Variants in UTS2B observed in about 807,000 individuals in gnomAD.
UTS2B encodes urotensin 2B.
In UTS2B, 21 loss-of-function variants were observed where a neutral mutation model predicts 19.2. That is an observed-to-expected ratio of 1.09 (90% CI 0.78 to 1.58). UTS2B has a LOEUF of 1.58. Among genes scored for constraint, UTS2B ranks in the 40% most tolerant of loss-of-function variants. The probability of loss-of-function intolerance (pLI) is 0.00; values close to 1 mark genes in which losing one functional copy is unlikely to be tolerated. For synonymous variants in UTS2B, 57 were observed against 50.2 expected (o/e 1.14, Z -0.58); for missense variants, 138 against 130.3 (o/e 1.06, Z -0.29).
At chr3:191,320,345 C>T (rs1211769879) in intron 2 of UTS2B, among the ~76,000 whole-genome samples, 1 of 152,152 alleles carries the variant, frequency 6.6e-6, no homozygotes, top group Admixed American at 6.5e-5. Flanking sequence ...CTATGCGTGG[C>T]TTATTCAAAG....
chr3:191,292,906 C>T (rs941937185), intron 4 of UTS2B, among the ~76,000 whole-genome samples: 4 of 151,590 alleles, frequency 2.6e-5, no homozygotes, highest in South Asian at 2.1e-4. Context: ...TCTATTGAGA[C>T]GACTATAGAA....
At chr3:191,309,570 C>T (rs1215961995) in intron 3 of UTS2B, among the ~76,000 whole-genome samples, 1 of 152,172 alleles carries the variant, frequency 6.6e-6, no homozygotes, top group Non-Finnish European at 1.5e-5. Context: ...TCTGTCTCCC[C>T]ACCAAATCTC....
the UTS2B span, among the ~76,000 whole-genome samples, chr3:191,337,857 C>G: frequency 6.6e-6 from 1 of 151,894 alleles, no homozygotes; most frequent in Non-Finnish European, 1.5e-5. Context: ...ATTATTGGTC[C>G]TGTTTAAAAC....
At chr3:191,296,188 A>G (rs188260475) in intron 4 of UTS2B, among the ~76,000 whole-genome samples, 64 of 152,262 alleles carry the variant, frequency 4.2e-4, no homozygotes, top group African/African-American at 1.5e-3. Flanking sequence ...TTCTTCAAAA[A>G]TGTCAAGCAA....
chr3:191,315,224 G>C (rs974225032), intron 3 of UTS2B, among the ~76,000 whole-genome samples: 1 of 152,080 alleles, frequency 6.6e-6, no homozygotes, highest in Non-Finnish European at 1.5e-5. Context: ...TTTTGGCCAG[G>C]CTGGTCTCGA....
In UTS2B at chr3:191,282,197, A is replaced by C. The variant is rs1164966102; in HGVS notation, c.-8T>G. 6.2e-7 allele frequency: 1 copy of C among 1,603,214 alleles called. No individual in the cohort carries two copies. The highest frequency in any genetic ancestry group is 8.5e-7 in the Non-Finnish European group (1 of 1,173,758). On this transcript the variant is annotated 5_prime_UTR_variant, in exon 5 of 9. Coordinates refer to ENST00000340524, the MANE Select transcript of UTS2B (RefSeq NM_198152.5). ...TGAGAGGATCTTGTTCATGTTAAAA[A>C]AAACCTTCTGGACTAGCAAAGAAAC...
At chr3:191,294,055 C>T (rs1560138809) in intron 4 of UTS2B, among the ~76,000 whole-genome samples, 1 of 151,628 alleles carries the variant, frequency 6.6e-6, no homozygotes, top group Admixed American at 6.6e-5. Context: ...TTGCGGTGAG[C>T]CAAGATCGCG....
At chr3:191,276,780 G>T (rs375950058) in intron 7 of UTS2B, 27 bp downstream of exon 7, 3 of 1,595,142 alleles carry the variant, frequency 1.9e-6, no homozygotes, top group Non-Finnish European at 2.6e-6. Flanking sequence ...TATTAAAACT[G>T]CTCATTTAAG....
upstream of UTS2B, among the ~76,000 whole-genome samples, chr3:191,332,453 TCTGTATA>T (rs1344228696): frequency 6.6e-6 from 1 of 152,180 alleles, no homozygotes; most frequent in Non-Finnish European, 1.5e-5. Flanking sequence ...GTTTGGAACA[TCTGTATA>T]CTTTTTGTAA....
At chr3:191,297,952 T>C (rs1716898917) in intron 4 of UTS2B, among the ~76,000 whole-genome samples, 1 of 152,232 alleles carries the variant, frequency 6.6e-6, no homozygotes, top group South Asian at 2.1e-4. Flanking sequence ...ACTTCTGTCA[T>C]ATAACACTGA....
intron 3 of UTS2B, among the ~76,000 whole-genome samples, chr3:191,313,329 TC>T (rs1252392698): frequency 6.6e-6 from 1 of 152,188 alleles, no homozygotes; most frequent in Non-Finnish European, 1.5e-5. Flanking sequence ...AACATTTAAC[TC>T]ACAGTAATGT....
chr3:191,329,540 C>T (rs866363872), intron 1 of UTS2B: 3 of 794,312 alleles, frequency 3.8e-6, no homozygotes, highest in East Asian at 3.3e-5. Flanking sequence ...CGACCCGCTC[C>T]GTTCTCCGGC....
intron 2 of UTS2B, 154 bp downstream of exon 2, chr3:191,328,477 A>G (rs936020952): frequency 6.6e-6 from 1 of 152,200 alleles, no homozygotes; most frequent in African/African-American, 2.4e-5. Flanking sequence ...GAAACAGAAT[A>G]TGTAACTCTT....
intron 4 of UTS2B, among the ~76,000 whole-genome samples, chr3:191,292,119 G>GAA (rs58089139): frequency 0.12 from 18,163 of 145,858 alleles, 1,543 homozygotes; most frequent in East Asian, 0.42. Flanking sequence ...GCCAATTTCT[G>GAA]AAAAAAAAAA....
intron 4 of UTS2B, among the ~76,000 whole-genome samples, chr3:191,300,709 A>T (rs1485743734): frequency 6.6e-6 from 1 of 152,222 alleles, no homozygotes; most frequent in East Asian, 1.9e-4. Context: ...TGATTGGATC[A>T]TGGAGGTAGA....
chr3:191,323,561 T>C (rs1717666588), intron 2 of UTS2B, among the ~76,000 whole-genome samples: 1 of 152,042 alleles, frequency 6.6e-6, no homozygotes, highest in African/African-American at 2.4e-5. Context: ...GTGCTATCAG[T>C]GTGTTTTGGA....
intron 8 of UTS2B, chr3:191,273,321 A>C (rs1391041586): frequency 8.3e-6 from 3 of 361,310 alleles, no homozygotes; most frequent in Non-Finnish European, 1.7e-5. Flanking sequence ...AGAAGAGATA[A>C]AGGATAGACT....
intron 3 of UTS2B, among the ~76,000 whole-genome samples, chr3:191,314,915 C>T (rs927826034): frequency 5.3e-5 from 8 of 152,102 alleles, no homozygotes; most frequent in Non-Finnish European, 7.4e-5. Context: ...CCTTGCCCTA[C>T]GCATCTCATC....
the UTS2B span, among the ~76,000 whole-genome samples, chr3:191,343,934 G>T: frequency 1.3e-5 from 2 of 152,330 alleles, no homozygotes; most frequent in South Asian, 2.1e-4. Context: ...CTGCACAGTG[G>T]TTGCTAGATA....
Sources: allele counts gnomAD v4.1 joint callset (sites outside exome capture counted in the v4.1 genomes callset), GRCh38; gene constraint gnomAD v4.1.1; transcripts MANE v1.5; gene names NCBI Gene and HGNC (gene_info 2026-07-23, HGNC 2026-07-21).